PLEKHG1: variants seen among roughly 807,000 people sequenced by gnomAD.
PLEKHG1 encodes the protein pleckstrin homology and RhoGEF domain containing G1.
Under a neutral mutation model 100.8 loss-of-function variants are expected in PLEKHG1, and 44 were observed. The observed-to-expected ratio is 0.44, with a 90% confidence interval of 0.34 to 0.56. The LOEUF is 0.56. Among genes scored for constraint, PLEKHG1 ranks in the 20% least tolerant of loss-of-function variants. The pLI is 0.01. For synonymous variants in PLEKHG1, 640 were observed against 662.5 expected (o/e 0.97, Z 0.52); for missense variants, 1,545 against 1,720.9 (o/e 0.90, Z 1.81).
At chr6:150,749,030 C>T (rs1783341091) in intron 2 of PLEKHG1, among the ~76,000 whole-genome samples, 1 of 152,132 alleles carries the variant, frequency 6.6e-6, no homozygotes, top group African/African-American at 2.4e-5. Context: ...TAAGTTAATG[C>T]ACATGAAGTG....
chr6:150,817,853 C>T (rs1461504896), intron 10 of PLEKHG1, among the ~76,000 whole-genome samples: 1 of 151,926 alleles, frequency 6.6e-6, no homozygotes, highest in East Asian at 1.9e-4. Flanking sequence ...TGAGCTACCG[C>T]GCCCAGCCGA....
intron 1 of PLEKHG1, among the ~76,000 whole-genome samples, chr6:150,729,927 A>G (rs1280471990): frequency 1.3e-5 from 2 of 152,196 alleles, no homozygotes; most frequent in Non-Finnish European, 2.9e-5. Context: ...AAGTATTTCT[A>G]AAGACATTGT....
Position 150,725,179 on chromosome 6 carries a change from GT to G in PLEKHG1, c.-99+3980del, listed in dbSNP as rs549187867. 1.2e-4 allele frequency among the ~76,000 whole-genome samples: 19 copies of G among 152,252 alleles called. No individual in the cohort carries two copies. The East Asian group carries it at 3.7e-3, about 30-fold the overall frequency. On this transcript the variant is annotated intron_variant, in intron 1 of 15. Transcript: ENST00000358517. ...TTCCTCCTAGATGGTGCCCTCCTGT[GT>G]ATCCTCACATGGCAGAAGGAGCAAA... is the stretch of plus-strand genomic sequence containing the variant.
At chr6:150,818,244 GA>G in intron 11 of PLEKHG1, 28 bp downstream of exon 12, 6 of 1,497,900 alleles carry the variant, frequency 4.0e-6, no homozygotes, top group Non-Finnish European at 5.6e-6. Context: ...AAAACAATTT[GA>G]AATTTCATTG....
At chr6:150,788,673 TACCTCCACCTTC>T (rs1301047562) in intron 4 of PLEKHG1, among the ~76,000 whole-genome samples, 1 of 152,214 alleles carries the variant, frequency 6.6e-6, no homozygotes, top group Non-Finnish European at 1.5e-5. Flanking sequence ...TTGCTGCCTT[TACCTCCACCTTC>T]ACATCCACCT....
At position 150,831,578 on chromosome 6, in the gene PLEKHG1, C is replaced by A; in HGVS notation, c.2467C>A (p.Pro823Thr). ...CTCTCCCAGTGGTAACTTGTCTATG[C>A]CTCATAAGCCTGTATCTGATAAACT... The change falls in exon 15 of 16, where the codon CCT becomes ACT. Residue 823 changes from proline (P) to threonine (T), a missense_variant. Physicochemically the swap from Pro to Thr is conservative, Grantham distance 38. Transcript: ENST00000358517. The surrounding 1 kb of genome is among the most constrained non-coding windows in gnomAD (Gnocchi z 4.1). The A allele has an allele frequency of 6.2e-7, 1 of 1,614,152 alleles. No homozygotes were observed. Among genetic ancestry groups the A allele is most frequent in the East Asian group, 2.2e-5 (1 of 44,884 alleles).
intron 1 of PLEKHG1, chr6:150,605,992 T>C (rs1422634402): frequency 6.6e-6 from 1 of 152,258 alleles, no homozygotes; most frequent in African/African-American, 2.4e-5. Context: ...CACACTGTGA[T>C]TGAATTTCTT....
chr6:150,721,052 G>A (rs1225470403), upstream of PLEKHG1: 1 of 649,780 alleles, frequency 1.5e-6, no homozygotes, highest in Middle Eastern at 7.5e-4. Flanking sequence ...TAAAGCCTTT[G>A]TGTGTTGGGT....
chr6:150,774,948 T>G (rs1402487896), intron 3 of PLEKHG1, among the ~76,000 whole-genome samples: 2 of 152,214 alleles, frequency 1.3e-5, no homozygotes, highest in African/African-American at 2.4e-5. Flanking sequence ...TGTCCTGTCT[T>G]TGTTCAGTAT....
At chr6:150,841,640 G>T (rs1436125531) in exon 16 of PLEKHG1, 1 of 152,164 alleles carries the variant, frequency 6.6e-6, no homozygotes, top group Non-Finnish European at 1.5e-5. Context: ...GAAAACCAAG[G>T]TCAATAAAAT....
intron 1 of PLEKHG1, among the ~76,000 whole-genome samples, chr6:150,620,395 A>C (rs1466544596): frequency 6.6e-6 from 1 of 152,186 alleles, no homozygotes; most frequent in Non-Finnish European, 1.5e-5. Flanking sequence ...GGCCAGACCT[A>C]GTGGGTCTTG....
At chr6:150,654,589 G>T (rs928231567) in intron 3 of PLEKHG1, among the ~76,000 whole-genome samples, 2 of 152,224 alleles carry the variant, frequency 1.3e-5, no homozygotes, top group African/African-American at 4.8e-5. Context: ...GGCTTTGTGG[G>T]ATTGAAATAT....
chr6:150,793,549 C>G (rs1786118295), intron 4 of PLEKHG1, among the ~76,000 whole-genome samples: 1 of 152,150 alleles, frequency 6.6e-6, no homozygotes, highest in Non-Finnish European at 1.5e-5. Flanking sequence ...AGAAATACCA[C>G]CATTTTCCAA....
intron 2 of PLEKHG1, among the ~76,000 whole-genome samples, chr6:150,764,574 T>C (rs1235812320): frequency 2.6e-5 from 4 of 152,204 alleles, no homozygotes; most frequent in African/African-American, 9.6e-5. Context: ...GTCTGTGTGT[T>C]TAGGCGCACG....
chr6:150,692,526 G>C (rs1428895479), intron 3 of PLEKHG1, among the ~76,000 whole-genome samples: 2 of 152,244 alleles, frequency 1.3e-5, no homozygotes, highest in Non-Finnish European at 1.5e-5. Flanking sequence ...TTTTCCTAAG[G>C]CTTGTCCTTG....
At chr6:150,811,945 C>T (rs541788714) in intron 10 of PLEKHG1, among the ~76,000 whole-genome samples, 2 of 152,280 alleles carry the variant, frequency 1.3e-5, no homozygotes, top group African/African-American at 4.8e-5. Flanking sequence ...AGTAACCCAC[C>T]ACCATGGCCT....
intron 2 of PLEKHG1, among the ~76,000 whole-genome samples, chr6:150,743,804 GAAAT>G: frequency 6.6e-6 from 1 of 151,754 alleles, no homozygotes; most frequent in South Asian, 2.1e-4. Flanking sequence ...AGGGCTCTGT[GAAAT>G]TATTTAACAC....
intron 10 of PLEKHG1, among the ~76,000 whole-genome samples, chr6:150,813,935 G>A (rs1787701017): frequency 6.6e-6 from 1 of 152,146 alleles, no homozygotes; most frequent in South Asian, 2.1e-4. Flanking sequence ...CATGAAAATT[G>A]AACTGGGTGG....
rs1276201707 is a variant in PLEKHG1, at chr6:150,706,992, C to CTT, written c.-98-26588_-98-26587dup. ...TCTTTTTTTCTTTTCTTTTCTTTTT[C>CTT]TTTTTCTTTTTTTTTTTTTTTTTTT... is the stretch of plus-strand genomic sequence containing the variant. On this transcript the variant is annotated intron_variant, in intron 3 of 3. Transcript: ENST00000367326. 6.8e-3 allele frequency among the ~76,000 whole-genome samples: 395 copies of CTT among 58,348 alleles called. 25 individuals carry two copies. The highest frequency in any genetic ancestry group is 0.015 in the African/African-American group (288 of 19,758). 38.3% of individuals were successfully genotyped at this position (58,348 alleles called of 152,430 possible). A position where few individuals can be genotyped will look rare whatever the true frequency, so the allele number is the denominator to read the frequency against.
Sources: gnomAD v4.1 joint callset for allele counts (sites outside exome capture counted in the v4.1 genomes callset) on GRCh38, gnomAD v4.1.1 for gene constraint, Gnocchi (gnomAD v3.1) non-coding constraint, MANE v1.5 for transcripts, NCBI Gene and HGNC (gene_info 2026-07-23, HGNC 2026-07-21) for gene names.